OTOGL: variants seen among roughly 807,000 people sequenced by gnomAD.
OTOGL encodes the protein otogelin-like protein.
In OTOGL, 285 loss-of-function variants were observed where a neutral mutation model predicts 318.5. That is an observed-to-expected ratio of 0.89 (90% CI 0.81 to 0.99). The LOEUF (loss-of-function observed/expected upper bound fraction) is 0.99. Ranked by LOEUF, OTOGL falls within the 50% of genes least tolerant of loss-of-function variation. The pLI, the probability that OTOGL is intolerant of heterozygous loss-of-function variation, is 0.00. For missense variants in OTOGL, 2,899 were observed against 2,845.6 expected (o/e 1.02, Z -0.43); for synonymous variants, 987 against 936.5 (o/e 1.05, Z -0.99).
chr12:80,345,966 C>T (rs1319202259), intron 44 of OTOGL, among the ~76,000 whole-genome samples: 4 of 152,102 alleles, frequency 2.6e-5, no homozygotes, highest in African/African-American at 9.7e-5. Flanking sequence ...TTTCTTTTTA[C>T]CCACATAGTT....
chr12:80,345,040 ATATTATTATATG>A lies in OTOGL; in HGVS notation c.5265+2880_5265+2891del, dbSNP rs1399179659. On this transcript the variant is annotated intron_variant, in intron 44 of 58. Coordinates refer to ENST00000547103, the MANE Select transcript of OTOGL (RefSeq NM_001378609.3). ...TATTATATTTTATATATTATAACAT[ATATTATTATATG>A]TTATATTTTATATATTATAATATAT... Among the ~76,000 whole-genome samples, 76 of 127,714 alleles carry A rather than the reference ATATTATTATATG, an allele frequency of 6.0e-4. 3 individuals carry two copies. In the South Asian group the frequency reaches 0.018, roughly 30 times the overall value. The allele number at this position is 127,714 out of a possible 152,430, so 83.8% of individuals were successfully genotyped here.
intron 49 of OTOGL, among the ~76,000 whole-genome samples, chr12:80,357,878 A>G (rs1244489493): frequency 6.6e-6 from 1 of 152,166 alleles, no homozygotes; most frequent in East Asian, 1.9e-4. Flanking sequence ...GAAGCAGCCC[A>G]AAAGAACAAA....
intron 37 of OTOGL, among the ~76,000 whole-genome samples, chr12:80,332,437 T>C (rs925838080): frequency 1.3e-5 from 2 of 152,180 alleles, no homozygotes; most frequent in Non-Finnish European, 2.9e-5. Flanking sequence ...CCTCCAATAT[T>C]GACACCTTTA....
At chr12:80,108,096 A>C (rs879828245) in intron 1 of OTOGL, among the ~76,000 whole-genome samples, 9 of 152,162 alleles carry the variant, frequency 5.9e-5, no homozygotes, top group Non-Finnish European at 1.2e-4. Context: ...CAAAACTAAA[A>C]TAAAAGTTAA....
intron 1 of OTOGL, among the ~76,000 whole-genome samples, chr12:80,151,980 G>A (rs1000142907): frequency 1.3e-5 from 2 of 152,136 alleles, no homozygotes; most frequent in African/African-American, 2.4e-5. Flanking sequence ...TTTCGGACAA[G>A]GAAATTAAGG....
intron 52 of OTOGL, among the ~76,000 whole-genome samples, chr12:80,360,445 C>G (rs899901355): frequency 1.6e-5 from 2 of 121,322 alleles, no homozygotes; most frequent in African/African-American, 6.4e-5. Flanking sequence ...CCCCCTCCCC[C>G]CCCTCGCTCT....
At chr12:80,163,588 G>T (rs973414864) in intron 1 of OTOGL, among the ~76,000 whole-genome samples, 5 of 152,090 alleles carry the variant, frequency 3.3e-5, no homozygotes, top group African/African-American at 1.2e-4. Flanking sequence ...AGATCTGCAG[G>T]TCAATTAAGG....
intron 23 of OTOGL, 44 bp from the exon 24 acceptor site, chr12:80,271,604 A>G (rs1289183551): frequency 6.3e-7 from 1 of 1,575,216 alleles, no homozygotes; most frequent in Admixed American, 1.8e-5. Flanking sequence ...CTCCCATGCC[A>G]TGACAAAAAG....
rs943450428 is a variant in OTOGL at position 80,250,338 on chromosome 12, G to C, written c.1053-1355G>C. 6.6e-5 allele frequency among the ~76,000 whole-genome samples: 10 copies of C among 151,964 alleles called. No homozygotes were observed. The East Asian group carries it at 1.5e-3, about 23-fold the overall frequency. ...GCCCAATTATTGTGAGTTTTCATGAGGTGTCACATATTAATGTGCCTGTCA... is the reference window on the plus strand; with the variant it reads ...GCCCAATTATTGTGAGTTTTCATGACGTGTCACATATTAATGTGCCTGTCA... On this transcript the variant is annotated intron_variant, in intron 11 of 58. Coordinates refer to ENST00000547103, the MANE Select transcript of OTOGL (RefSeq NM_001378609.3).
chr12:80,308,568 G>A (rs1034974578), intron 29 of OTOGL, among the ~76,000 whole-genome samples: 11 of 152,038 alleles, frequency 7.2e-5, no homozygotes, highest in Admixed American at 3.3e-4. Context: ...ACGGGGTGGC[G>A]GCCGGGCAGA....
chr12:80,206,361 T>C (rs549505032), intron 1 of OTOGL, among the ~76,000 whole-genome samples: 1 of 152,326 alleles, frequency 6.6e-6, no homozygotes, highest in African/African-American at 2.4e-5. Flanking sequence ...TTTTTGTTAT[T>C]GTTCTCTTTG....
At chr12:80,342,205 T>C in intron 44 of OTOGL, 43 bp downstream of exon 44, 1 of 1,440,850 alleles carries the variant, frequency 6.9e-7, no homozygotes, top group Non-Finnish European at 9.5e-7. Flanking sequence ...ATGTTAGATA[T>C]GTTGAGAGTA....
chr12:80,377,501 T>C (rs760096240), intron 58 of OTOGL, among the ~76,000 whole-genome samples: 5 of 152,184 alleles, frequency 3.3e-5, no homozygotes, highest in Non-Finnish European at 7.4e-5. Context: ...GTTCTGCTTC[T>C]AACTTTGTCC....
chr12:80,261,690 G>A (rs1486542197), intron 18 of OTOGL, among the ~76,000 whole-genome samples: 1 of 152,034 alleles, frequency 6.6e-6, no homozygotes, highest in African/African-American at 2.4e-5. Flanking sequence ...CGGAGATTCT[G>A]CTTTGCTTTC....
chr12:80,260,905 T>C (rs1040693492), intron 18 of OTOGL, among the ~76,000 whole-genome samples: 3 of 152,090 alleles, frequency 2.0e-5, no homozygotes, highest in Non-Finnish European at 4.4e-5. Context: ...GCACAAACCA[T>C]GCAATTACTT....
At chr12:80,112,503 A>C (rs1029305712) in intron 1 of OTOGL, among the ~76,000 whole-genome samples, 5 of 152,126 alleles carry the variant, frequency 3.3e-5, no homozygotes, top group African/African-American at 1.2e-4. Context: ...CGAGATAATC[A>C]TGTGGTTTTT....
chr12:80,156,277 C>A (rs1475219235), intron 1 of OTOGL, among the ~76,000 whole-genome samples: 2 of 152,148 alleles, frequency 1.3e-5, no homozygotes, highest in Non-Finnish European at 2.9e-5. Flanking sequence ...ATGCTTCCTG[C>A]CCTTGAACAT....
At chr12:80,135,862 C>T (rs578042557) in intron 1 of OTOGL, among the ~76,000 whole-genome samples, 25 of 152,216 alleles carry the variant, frequency 1.6e-4, no homozygotes, top group Non-Finnish European at 2.5e-4. Context: ...ACAGAAAGGC[C>T]GACTCTCACC....
At chr12:80,268,244 A>G (rs1883149835) in intron 22 of OTOGL, among the ~76,000 whole-genome samples, 1 of 152,164 alleles carries the variant, frequency 6.6e-6, no homozygotes, top group South Asian at 2.1e-4. Context: ...TCTAACCATT[A>G]CTGTGTACCT....
Sources: gnomAD v4.1 joint callset for allele counts (sites outside exome capture counted in the v4.1 genomes callset) on GRCh38, gnomAD v4.1.1 for gene constraint, MANE v1.5 for transcripts, NCBI Gene and HGNC (gene_info 2026-07-23, HGNC 2026-07-21) for gene names.